The following CLEC4D variants were observed in gnomAD, a reference collection of about 807,000 sequenced individuals.
CLEC4D encodes C-type lectin domain family 4 member D.
In CLEC4D, 21 loss-of-function variants were observed where a neutral mutation model predicts 21.1. The ratio of observed to expected loss-of-function variants is 1.00; its 90% CI spans 0.71 to 1.43. The LOEUF (loss-of-function observed/expected upper bound fraction) is 1.43. CLEC4D is among the 40% of genes most tolerant of loss of function. The probability of loss-of-function intolerance (pLI) is 0.00; values close to 1 mark genes in which losing one functional copy is unlikely to be tolerated. For missense variants in CLEC4D, 289 were observed against 260.7 expected, an observed-to-expected ratio of 1.11 and a Z score of -0.75; for synonymous variants, 85 against 83.1, an observed-to-expected ratio of 1.02 and a Z score of -0.12.
chr12:8,530,087 C>A, the CLEC4D span, among the ~76,000 whole-genome samples: 5 of 152,138 alleles, frequency 3.3e-5, no homozygotes, highest in Non-Finnish European at 5.9e-5. Context: ...TTAATCTTAT[C>A]AACATTTTAA....
At chr12:8,520,409 A>C (rs1398145153) in intron 5 of CLEC4D, 68 bp downstream of exon 5, 1 of 1,567,016 alleles carries the variant, frequency 6.4e-7, no homozygotes, top group Non-Finnish European at 8.7e-7. Context: ...AGAAACATTC[A>C]TTTTGAAGTG....
In CLEC4D at chr12:8,521,419, C is replaced by G; in HGVS notation, c.*148C>G. ...ATGGTCTTTTTTATTTTGTTTGATTCATTCGAGACAACATGTGTGTATGTG... is the reference window on the plus strand; with the variant it reads ...ATGGTCTTTTTTATTTTGTTTGATTGATTCGAGACAACATGTGTGTATGTG... On this transcript the variant is annotated 3_prime_UTR_variant, in exon 6 of 6. Coordinates refer to ENST00000299665, the MANE Select transcript of CLEC4D (RefSeq NM_080387.5). The G allele has an allele frequency of 3.6e-6, 5 of 1,407,034 alleles. No homozygotes were observed. The highest frequency in any genetic ancestry group is 4.6e-6 in the Non-Finnish European group (5 of 1,080,258). 87.2% of individuals were successfully genotyped at this position (1,407,034 alleles called of 1,614,324 possible). A position where few individuals can be genotyped will look rare whatever the true frequency, so the allele number is the denominator to read the frequency against.
rs188875710 is a variant in CLEC4D at position 8,513,861 on chromosome 12, G to A, written c.28+101G>A. Reference sequence around the variant, plus strand: ...AGTTTTAAAGATTGTTGATGATGACGGGGAGAAGGAGGTGGAAGGAAATAA... The same window carrying A: ...AGTTTTAAAGATTGTTGATGATGACAGGGAGAAGGAGGTGGAAGGAAATAA... On this transcript the variant is annotated intron_variant, in intron 1 of 5. Transcript: ENST00000299665. 3,484 of 704,782 alleles carry A rather than the reference G, an allele frequency of 4.9e-3. 14 individuals are homozygous for A. Among genetic ancestry groups the A allele is most frequent in the Non-Finnish European group, 6.4e-3 (2,506 of 393,932 alleles). The allele number at this position is 704,782 out of a possible 1,614,324, so 43.7% of individuals were successfully genotyped here.
At chr12:8,520,713 C>T (rs368332600) in intron 5 of CLEC4D, among the ~76,000 whole-genome samples, 1 of 152,096 alleles carries the variant, frequency 6.6e-6, no homozygotes, top group African/African-American at 2.4e-5. Context: ...TGCAAAGCCA[C>T]ATGTGCAATT....
the CLEC4D span, among the ~76,000 whole-genome samples, chr12:8,531,039 C>G: frequency 6.6e-6 from 1 of 152,170 alleles, no homozygotes; most frequent in East Asian, 1.9e-4. Context: ...CTAGATAGTC[C>G]TCCTGCTTCG....
At chr12:8,529,548 G>A in the CLEC4D span, among the ~76,000 whole-genome samples, 1 of 152,158 alleles carries the variant, frequency 6.6e-6, no homozygotes, top group South Asian at 2.1e-4. Flanking sequence ...CCAGGAAGTC[G>A]AGGCTCCAAT....
At chr12:8,520,455 T>C (rs2136388331) in intron 5 of CLEC4D, 114 bp downstream of exon 5, 1 of 1,428,184 alleles carries the variant, frequency 7.0e-7, no homozygotes, top group East Asian at 2.5e-5. Flanking sequence ...GAGAGACCAC[T>C]GTAGGTTGAG....
At position 8,519,142 on chromosome 12, in the gene CLEC4D, C is replaced by G; in HGVS notation, c.366C>G (p.Ile122Met). ...GGATGGGGGCCCATCTGATGACCAT[C>G]AGCACGGAAGCTGAGCAGGTGTGTT... ...CSGMGAHLMT[I>M]STEAEQNFII... The change falls in exon 4 of 6, where the codon ATC (isoleucine) becomes ATG (methionine). Residue 122 changes from isoleucine (I) to methionine (M), a missense_variant. Ile to Met is a conservative substitution (Grantham distance 10). Transcript: ENST00000299665. The G allele has an allele frequency of 6.2e-7, 1 of 1,614,012 alleles. No individual in the cohort carries two copies. The highest frequency in any genetic ancestry group is 8.5e-7 in the Non-Finnish European group (1 of 1,179,926).
chr12:8,518,917 A>G lies in CLEC4D; in HGVS notation c.233-92A>G, dbSNP rs747041575. The G allele has an allele frequency of 2.5e-5, 36 of 1,461,038 alleles. No individual in the cohort carries two copies. In the African/African-American group the frequency reaches 3.7e-4, roughly 15 times the overall value. The allele number at this position is 1,461,038 out of a possible 1,614,324, so 90.5% of individuals were successfully genotyped here. A position where few individuals can be genotyped will look rare whatever the true frequency, so the allele number is the denominator to read the frequency against. Reference sequence around the variant, plus strand: ...TGATCTTGATATTATTCTCACAAATATTAATTGGATATAGGTAGTAGAATA... The same window carrying G: ...TGATCTTGATATTATTCTCACAAATGTTAATTGGATATAGGTAGTAGAATA... On this transcript the variant is annotated intron_variant, in intron 3 of 5. Coordinates refer to ENST00000299665, the MANE Select transcript of CLEC4D (RefSeq NM_080387.5).
intron 1 of CLEC4D, among the ~76,000 whole-genome samples, 188 bp from the exon 2 acceptor site, chr12:8,515,048 A>C (rs1007921267): frequency 2.6e-5 from 4 of 151,956 alleles, no homozygotes; most frequent in African/African-American, 9.7e-5. Context: ...GAAATTTTAC[A>C]TTTTTCTTTC....
downstream of CLEC4D, among the ~76,000 whole-genome samples, chr12:8,524,613 C>T (rs994332641): frequency 2.0e-5 from 3 of 151,860 alleles, no homozygotes; most frequent in African/African-American, 7.3e-5. Context: ...TCTAGCTAGT[C>T]GTCTATCTAC....
At chr12:8,528,003 T>G in the CLEC4D span, among the ~76,000 whole-genome samples, 2 of 152,114 alleles carry the variant, frequency 1.3e-5, no homozygotes, top group African/African-American at 2.4e-5. Context: ...CTTCTCTCCG[T>G]GGGTCACACC....
chr12:8,525,741 G>A (rs1940500918), downstream of CLEC4D, among the ~76,000 whole-genome samples: 1 of 152,036 alleles, frequency 6.6e-6, no homozygotes, highest in African/African-American at 2.4e-5. Context: ...GATGCTATTT[G>A]GTTTTTTTGC....
At chr12:8,525,185 G>C (rs12306856), downstream of CLEC4D, among the ~76,000 whole-genome samples, 1 of 152,048 alleles carries the variant, frequency 6.6e-6, no homozygotes, top group Admixed American at 6.6e-5. Context: ...GCTGATTTGG[G>C]GTAGAGAGTT....
intron 2 of CLEC4D, 98 bp downstream of exon 2, chr12:8,515,426 G>C: frequency 1.4e-6 from 1 of 712,230 alleles, no homozygotes; most frequent in South Asian, 1.6e-5. Context: ...ATTTTTCCTA[G>C]CATAACCTAT....
chr12:8,519,631 G>A (rs745805777), intron 4 of CLEC4D, among the ~76,000 whole-genome samples: 3 of 152,172 alleles, frequency 2.0e-5, no homozygotes, highest in Non-Finnish European at 4.4e-5. Flanking sequence ...TAAATGAATG[G>A]TTAATCAGGA....
rs370884091 is a variant in CLEC4D, at chr12:8,520,248, A to T, written c.407A>T (p.Asp136Val). 11 of 1,613,862 alleles carry T rather than the reference A, an allele frequency of 6.8e-6. No homozygotes were observed. The African/African-American group carries it at 8.0e-5, about 12-fold the overall frequency. The change falls in exon 5 of 6, where the codon GAT becomes GTT. Residue 136 changes from aspartate (D) to valine (V), a missense_variant. Transcript: ENST00000299665. ...AEQNFIIQFL[D>V]RRLSYFLGLR... is the part of the protein sequence containing the mutation. ...CAGAACTTTATTATTCAGTTTCTGG[A>T]TAGACGGCTTTCCTATTTCCTTGGA...
chr12:8,531,166 C>A, the CLEC4D span, among the ~76,000 whole-genome samples: 1 of 152,200 alleles, frequency 6.6e-6, no homozygotes, highest in South Asian at 2.1e-4. Flanking sequence ...AACCCACTGG[C>A]GTTCTGACAT....
chr12:8,527,892 G>C, the CLEC4D span, among the ~76,000 whole-genome samples: 1 of 152,212 alleles, frequency 6.6e-6, no homozygotes, highest in Non-Finnish European at 1.5e-5. Flanking sequence ...AGTTTCCCTG[G>C]CTGGGTAGTG....
Sources: gnomAD v4.1 joint callset for allele counts (sites outside exome capture counted in the v4.1 genomes callset) on GRCh38, gnomAD v4.1.1 for gene constraint, MANE v1.5 for transcripts, NCBI Gene and HGNC (gene_info 2026-07-23, HGNC 2026-07-21) for gene names.